SPHKAP: variants seen among roughly 807,000 people sequenced by gnomAD.
SPHKAP encodes the protein A-kinase anchor protein SPHKAP.
Under a neutral mutation model 137.5 loss-of-function variants are expected in SPHKAP, and 67 were observed. That is an observed-to-expected ratio of 0.49 (90% CI 0.40 to 0.60). The LOEUF (loss-of-function observed/expected upper bound fraction) is 0.60. Ranked by LOEUF, SPHKAP falls within the 20% of genes least tolerant of loss-of-function variation. The pLI is 0.00. For synonymous variants in SPHKAP, 813 were observed against 785.3 expected, an observed-to-expected ratio of 1.04 and a Z score of -0.59; for missense variants, 2,097 against 2,069.3, an observed-to-expected ratio of 1.01 and a Z score of -0.26.
intron 3 of SPHKAP, among the ~76,000 whole-genome samples, chr2:228,027,750 G>A (rs554483108): frequency 5.4e-4 from 82 of 152,058 alleles, no homozygotes; most frequent in African/African-American, 1.9e-3. Flanking sequence ...GGCAGATCAC[G>A]AGGTCAGGAG....
chr2:228,157,738 C>T (rs1013733385), intron 1 of SPHKAP, among the ~76,000 whole-genome samples: 3 of 152,202 alleles, frequency 2.0e-5, no homozygotes, highest in East Asian at 1.9e-4. Flanking sequence ...GTACATAAGT[C>T]TGTTTTACAG....
At chr2:228,008,603 A>AG in intron 7 of SPHKAP, among the ~76,000 whole-genome samples, 1 of 151,828 alleles carries the variant, frequency 6.6e-6, no homozygotes. Context: ...CCATTCCAGG[A>AG]GTTATATAGC....
At chr2:228,068,075 T>A (rs987201291) in intron 3 of SPHKAP, among the ~76,000 whole-genome samples, 1 of 152,154 alleles carries the variant, frequency 6.6e-6, no homozygotes, top group African/African-American at 2.4e-5. Flanking sequence ...CAATTCTATA[T>A]GCCAACAGTG....
intron 1 of SPHKAP, among the ~76,000 whole-genome samples, chr2:228,175,293 G>GTT (rs148627469): frequency 1.8e-4 from 27 of 151,682 alleles, no homozygotes; most frequent in Non-Finnish European, 3.7e-4. Context: ...ATAAATGAAG[G>GTT]TTTTTTTTCA....
rs1047048713 is a variant in SPHKAP at position 228,149,517 on chromosome 2, A to G, written c.33-17432T>C. On this transcript the variant is annotated intron_variant, in intron 1 of 11. Transcript: ENST00000392056. The stretch of plus-strand genomic sequence containing the variant: ...ACTAAGGTAGTAAAATATCAGAGAC[A>G]TAAAGGCAGGATACCTGCCTTGTGT... Among the ~76,000 whole-genome samples, 4 of 152,214 alleles carry G rather than the reference A, an allele frequency of 2.6e-5. No homozygotes were observed. In the East Asian group the frequency reaches 7.7e-4, roughly 29 times the overall value.
At chr2:228,027,972 A>AG in intron 3 of SPHKAP, 1 of 974,186 alleles carries the variant, frequency 1.0e-6, no homozygotes, top group African/African-American at 1.8e-5. Context: ...AAAAAAAAAA[A>AG]AAAAGAAAAA....
At chr2:228,046,291 C>CTT (rs58510792) in intron 3 of SPHKAP, among the ~76,000 whole-genome samples, 896 of 82,500 alleles carry the variant, frequency 0.011, 31 homozygotes, top group African/African-American at 0.017. Context: ...TGTTGTTATT[C>CTT]TTTTTTTTTT....
intron 3 of SPHKAP, among the ~76,000 whole-genome samples, chr2:228,080,777 T>A (rs971839678): frequency 3.4e-4 from 24 of 71,272 alleles, no homozygotes; most frequent in African/African-American, 1.2e-3. Context: ...TAAAATAAAA[T>A]AAAATAAAAC....
chr2:227,993,169 A>G (rs1693481218), intron 9 of SPHKAP, among the ~76,000 whole-genome samples: 7 of 152,150 alleles, frequency 4.6e-5, no homozygotes, highest in Admixed American at 3.9e-4. Context: ...TTCACATTTG[A>G]TTTTATTGAA....
chr2:228,039,536 G>T lies in SPHKAP; in HGVS notation c.247-11993C>A, dbSNP rs147845221. On this transcript the variant is annotated intron_variant, in intron 3 of 11. Coordinates refer to ENST00000392056, the MANE Select transcript of SPHKAP (RefSeq NM_001142644.2). Reference sequence around the variant, plus strand: ...TAAATGAAGTTCCATGTAGGCATTTGTAAAACTAAAATTTTGTTGTGAAAT... The same window carrying T: ...TAAATGAAGTTCCATGTAGGCATTTTTAAAACTAAAATTTTGTTGTGAAAT... Among the ~76,000 whole-genome samples, 114 of 152,070 alleles carry T rather than the reference G, an allele frequency of 7.5e-4. 1 individual carries two copies. The highest frequency in any genetic ancestry group is 3.4e-3 in the Middle Eastern group (1 of 294).
At chr2:228,080,067 T>TG (rs931760111) in intron 3 of SPHKAP, among the ~76,000 whole-genome samples, 17 of 146,330 alleles carry the variant, frequency 1.2e-4, no homozygotes, top group African/African-American at 4.2e-4. Context: ...GAAGTAACAA[T>TG]GTTTTTTTTT....
rs149444320 is a variant in SPHKAP at position 228,019,710 on chromosome 2, G to T, written c.1144C>A (p.Gln382Lys). The T allele has an allele frequency of 8.7e-5, 141 of 1,614,092 alleles. No homozygotes were observed. In the Middle Eastern group the frequency reaches 1.2e-3, roughly 13 times the overall value. The change falls in exon 7 of 12, where the codon CAA becomes AAA. Residue 382 changes from glutamine to lysine, a missense_variant. Coordinates refer to ENST00000392056, the MANE Select transcript of SPHKAP (RefSeq NM_001142644.2). ...TTGCCAGTGGTGACTTCTCCATCTT[G>T]TCTAGGAGGGAGAGCGTTTCTTGTG... Reference protein sequence around the residue: ...EDTRNALPPRQDGEVTTGKYA... With the variant: ...EDTRNALPPRKDGEVTTGKYA...
rs879707158 is a variant in SPHKAP at position 227,991,202 on chromosome 2, C to G, written c.4775-18G>C. The G allele has an allele frequency of 1.2e-6, 2 of 1,614,160 alleles. No homozygotes were observed. The highest frequency in any genetic ancestry group is 1.7e-4 in the Middle Eastern group (1 of 6,060). ...TGCAGGTGCTGAGAACAGACACAAC[C>G]ACAGCCTTATCCTTCTTTCCAAAGG... is the stretch of plus-strand genomic sequence containing the variant. On this transcript the variant is annotated intron_variant, in intron 10 of 11. Coordinates refer to ENST00000392056, the MANE Select transcript of SPHKAP (RefSeq NM_001142644.2).
chr2:228,129,976 A>C (rs543889046), intron 2 of SPHKAP, among the ~76,000 whole-genome samples: 1 of 151,936 alleles, frequency 6.6e-6, no homozygotes, highest in African/African-American at 2.4e-5. Context: ...TTTGTATTTT[A>C]GTAGAGACGG....
intron 3 of SPHKAP, among the ~76,000 whole-genome samples, chr2:228,073,322 A>G (rs1422121814): frequency 6.6e-6 from 1 of 152,230 alleles, no homozygotes; most frequent in Admixed American, 6.5e-5. Flanking sequence ...CAGATACTTG[A>G]TGAATAAAGT....
chr2:228,105,752 G>A (rs1698322633), intron 3 of SPHKAP, among the ~76,000 whole-genome samples: 1 of 152,038 alleles, frequency 6.6e-6, no homozygotes, highest in Non-Finnish European at 1.5e-5. Flanking sequence ...CCTTTTGCTT[G>A]GTTCTCATTT....
rs1692965869 is a variant in SPHKAP, at chr2:227,980,762, G to T, written c.*955C>A. The T allele has an allele frequency of 6.6e-6, 1 of 152,094 alleles. No individual in the cohort carries two copies. The highest frequency in any genetic ancestry group is 1.5e-5 in the Non-Finnish European group (1 of 68,024). 9.4% of individuals were successfully genotyped at this position (152,094 alleles called of 1,614,324 possible). ...TAGCAGCACATACGTGATGAAACAG[G>T]CCACTGAGCTCAATGTCAATATGTG... On this transcript the variant is annotated 3_prime_UTR_variant, in exon 12 of 12. Transcript: ENST00000392056.
chr2:228,120,735 CAG>C (rs1222571073), intron 2 of SPHKAP, among the ~76,000 whole-genome samples: 4 of 152,192 alleles, frequency 2.6e-5, no homozygotes, highest in African/African-American at 7.2e-5. Context: ...TCATATCACA[CAG>C]ATGTCAGCTG....
chr2:228,100,607 G>C (rs1287334701), intron 3 of SPHKAP, among the ~76,000 whole-genome samples: 1 of 139,972 alleles, frequency 7.1e-6, no homozygotes, highest in Non-Finnish European at 1.6e-5. Flanking sequence ...TGATAGTATG[G>C]TTTTCTTTTT....
Sources: gnomAD v4.1 joint callset for allele counts (sites outside exome capture counted in the v4.1 genomes callset) on GRCh38, gnomAD v4.1.1 for gene constraint, MANE v1.5 for transcripts, NCBI Gene and HGNC (gene_info 2026-07-23, HGNC 2026-07-21) for gene names.